MTHFSD: variants seen among roughly 807,000 people sequenced by gnomAD.
MTHFSD encodes methenyltetrahydrofolate synthetase domain containing.
In MTHFSD, 37 loss-of-function variants were observed where a neutral mutation model predicts 31.1. The ratio of observed to expected loss-of-function variants is 1.19; its 90% CI spans 0.91 to 1.56. The LOEUF (loss-of-function observed/expected upper bound fraction) is 1.56, where lower values mean the gene tolerates loss of function less well. Ranked by LOEUF, MTHFSD falls within the 40% of genes most tolerant of loss-of-function variation. MTHFSD has a pLI of 0.00. For synonymous variants in MTHFSD, 221 were observed against 206.9 expected, an observed-to-expected ratio of 1.07 and a Z score of -0.59; for missense variants, 664 against 510.1, an observed-to-expected ratio of 1.30 and a Z score of -2.91.
chr16:86,548,092 C>A (rs1972592718), intron 4 of MTHFSD: 1 of 1,292,552 alleles, frequency 7.7e-7, no homozygotes, highest in South Asian at 1.2e-5. Context: ...ATCCTGTCTC[C>A]CCAGTCGCTC....
In MTHFSD at chr16:86,552,163, A is replaced by G. The variant is rs1171263347; in HGVS notation, c.124-17T>C. On this transcript the variant is annotated splice_polypyrimidine_tract_variant and intron_variant, in intron 2 of 7. Coordinates refer to ENST00000360900, the MANE Select transcript of MTHFSD (RefSeq NM_001159377.2). Reference sequence around the variant, plus strand: ...ATAAGACCCCTAGTTAGGCAAATAGACAGAGTTGCACTTACTTCAAGGACG... The same window carrying G: ...ATAAGACCCCTAGTTAGGCAAATAGGCAGAGTTGCACTTACTTCAAGGACG... 1 of 1,614,104 alleles carries G rather than the reference A, an allele frequency of 6.2e-7. No homozygotes were observed.
intron 7 of MTHFSD, chr16:86,532,761 GCCT>G: frequency 3.5e-6 from 1 of 287,936 alleles, no homozygotes; most frequent in Non-Finnish European, 6.4e-6. Context: ...GCAGGGTTGG[GCCT>G]CCATTTTCCT....
chr16:86,550,111 G>A (rs547825602), intron 3 of MTHFSD, among the ~76,000 whole-genome samples: 1 of 152,368 alleles, frequency 6.6e-6, no homozygotes, highest in Admixed American at 6.5e-5. Context: ...CTGAGGCTGT[G>A]CATGTCACCA....
chr16:86,536,868 G>A (rs1970767099), intron 7 of MTHFSD, among the ~76,000 whole-genome samples: 1 of 152,338 alleles, frequency 6.6e-6, no homozygotes, highest in South Asian at 2.1e-4. Context: ...TTCAGCCCTC[G>A]GAGAAGAGCA....
At position 86,532,447 on chromosome 16, in the gene MTHFSD, A is replaced by C. The variant is rs1480230153; in HGVS notation, c.716T>G (p.Leu239Arg). The change falls in exon 8 of 8, where the codon CTG becomes CGG. Residue 239 changes from leucine to arginine, a missense_variant. Leu to Arg is a moderately radical substitution (Grantham distance 102, BLOSUM62 -2). Coordinates refer to ENST00000360900, the MANE Select transcript of MTHFSD (RefSeq NM_001159377.2). ...CTGCTCTCGGGCGCGGAGGCTCCTC[A>C]GTATGGGGATTTTCTCCATCATCTC... ...SLEMMEKIPILRSLRAREQQA... is the reference protein window; with the variant it reads ...SLEMMEKIPIRRSLRAREQQA... 6.9e-7 allele frequency: 1 copy of C among 1,450,322 alleles called. No individual in the cohort carries two copies. The highest frequency in any genetic ancestry group is 2.6e-5 in the East Asian group (1 of 39,096). 89.8% of individuals were successfully genotyped at this position (1,450,322 alleles called of 1,614,324 possible).
chr16:86,532,681 C>A, intron 7 of MTHFSD, 200 bp from the exon 8 acceptor site: 1 of 401,428 alleles, frequency 2.5e-6, no homozygotes. Context: ...AGCTCTGCCC[C>A]TCGCCCCTGG....
intron 5 of MTHFSD, among the ~76,000 whole-genome samples, chr16:86,544,259 G>C (rs187378003): frequency 2.8e-4 from 42 of 152,176 alleles, no homozygotes; most frequent in Admixed American, 2.6e-3. Flanking sequence ...TCTGTGTCTC[G>C]GCAAAAGAAA....
intron 7 of MTHFSD, chr16:86,532,711 C>T (rs368379065): frequency 3.3e-5 from 12 of 368,936 alleles, no homozygotes; most frequent in Admixed American, 1.4e-4. Context: ...AGTCAGCACT[C>T]ACGGGGGCTC....
In MTHFSD at chr16:86,542,962, C is replaced by T. The variant is rs895161168; in HGVS notation, c.443-749G>A. Among the ~76,000 whole-genome samples, 1 of 152,162 alleles carries T rather than the reference C, an allele frequency of 6.6e-6. No homozygotes were observed. The highest frequency in any genetic ancestry group is 1.5e-5 in the Non-Finnish European group (1 of 68,034). ...CAGAAACTGAGGCCAGCGAGTGCCA[C>T]CAGCAGCATCACCCGCAGAGCACCC... On this transcript the variant is annotated intron_variant, in intron 5 of 7. Transcript: ENST00000360900. This position sits in a 1 kb window ranked among gnomAD's most constrained non-coding sequence, Gnocchi z 4.6.
chr16:86,547,759 T>A (rs1417677343), intron 4 of MTHFSD, among the ~76,000 whole-genome samples: 1 of 152,154 alleles, frequency 6.6e-6, no homozygotes, highest in Non-Finnish European at 1.5e-5. Flanking sequence ...AAGTAAACAA[T>A]GAAACGTTCC....
chr16:86,548,577 T>C lies in MTHFSD; in HGVS notation c.238A>G (p.Ser80Gly). 2 of 1,604,898 alleles carry C rather than the reference T, an allele frequency of 1.2e-6. No homozygotes were observed. Among genetic ancestry groups the C allele is most frequent in the Non-Finnish European group, 1.7e-6 (2 of 1,176,494 alleles). The change falls in exon 4 of 8, where the codon AGC becomes GGC. Residue 80 changes from serine (S) to glycine (G), a missense_variant and splice_region_variant. By Grantham distance (56) the Ser-to-Gly change is moderately conservative. Coordinates refer to ENST00000360900, the MANE Select transcript of MTHFSD (RefSeq NM_001159377.2). ...GTTGGAACCAACAATGTTTTTTTGC[T>C]CTTTTAAAGAAAAGACAATCAATAA... ...LEGVRLLVLQ[S>G]KKTLLVPTPR...
At chr16:86,534,307 A>T (rs912434969) in intron 7 of MTHFSD, among the ~76,000 whole-genome samples, 2 of 152,214 alleles carry the variant, frequency 1.3e-5, no homozygotes, top group Non-Finnish European at 2.9e-5. Context: ...AGGAATCTTC[A>T]GCCGATTGTA....
At chr16:86,543,316 CG>C (rs576082551) in intron 5 of MTHFSD, among the ~76,000 whole-genome samples, 277 of 152,294 alleles carry the variant, frequency 1.8e-3, no homozygotes, top group African/African-American at 6.5e-3. Context: ...CGAAAGTGAG[CG>C]GCCCTTCTGG....
intron 2 of MTHFSD, chr16:86,552,364 G>C: frequency 7.4e-7 from 1 of 1,350,162 alleles, no homozygotes; most frequent in Non-Finnish European, 1.0e-6. Context: ...CAAGCAGCTC[G>C]GCCCAGAATC....
chr16:86,535,662 G>A lies in MTHFSD; in HGVS notation c.682-3181C>T, dbSNP rs368112853. ...CCCCTAGACATGCTAAGTCAAATAC[G>A]AATCCGAAATCTGACTTTCAAGATT... On this transcript the variant is annotated intron_variant, in intron 7 of 7. Coordinates refer to ENST00000360900, the MANE Select transcript of MTHFSD (RefSeq NM_001159377.2). The A allele has an allele frequency of 1.1e-3, 325 of 293,950 alleles. 7 individuals are homozygous for A. The South Asian group carries it at 0.038, about 35-fold the overall frequency. The allele number at this position is 293,950 out of a possible 1,614,324, so 18.2% of individuals were successfully genotyped here. A position where few individuals can be genotyped will look rare whatever the true frequency, so the allele number is the denominator to read the frequency against.
At chr16:86,544,999 T>C (rs940770513) in intron 5 of MTHFSD, among the ~76,000 whole-genome samples, 9 of 152,088 alleles carry the variant, frequency 5.9e-5, no homozygotes, top group Non-Finnish European at 1.3e-4. Context: ...AAGTGGGAGC[T>C]GAACAATGAG....
intron 7 of MTHFSD, chr16:86,535,206 G>GGA: frequency 1.2e-6 from 1 of 835,248 alleles, no homozygotes; most frequent in Non-Finnish European, 1.3e-6. Context: ...GGCATCCGCA[G>GGA]GGGCCGTTAG....
At position 86,541,688 on chromosome 16, in the gene MTHFSD, G is replaced by A. The variant is rs376953204; in HGVS notation, c.681+9C>T. ...CTACAGGCCAGAGCTGGCCACTGCC[G>A]TGACCCACCTTGAACCAGGTGATTC... On this transcript the variant is annotated intron_variant, in intron 7 of 7. Coordinates refer to ENST00000360900, the MANE Select transcript of MTHFSD (RefSeq NM_001159377.2). The A allele has an allele frequency of 5.0e-5, 81 of 1,611,496 alleles. No homozygotes were observed. The highest frequency in any genetic ancestry group is 6.0e-5 in the Non-Finnish European group (71 of 1,179,000).
At chr16:86,547,644 T>C (rs1972528145) in intron 4 of MTHFSD, 1 of 760,838 alleles carries the variant, frequency 1.3e-6, no homozygotes, top group African/African-American at 1.9e-5. Context: ...CTATCTTTCT[T>C]TTTCCTTTGC....
Sources: gnomAD v4.1 joint callset for allele counts (sites outside exome capture counted in the v4.1 genomes callset) on GRCh38, gnomAD v4.1.1 for gene constraint, Gnocchi (gnomAD v3.1) non-coding constraint, MANE v1.5 for transcripts, NCBI Gene and HGNC (gene_info 2026-07-23, HGNC 2026-07-21) for gene names.